LNX1: variants seen among roughly 807,000 people sequenced by gnomAD.
LNX1 encodes ligand of numb-protein X 1, also known as E3 ubiquitin-protein ligase LNX.
Under a neutral mutation model 68.4 loss-of-function variants are expected in LNX1, and 54 were observed. The observed-to-expected ratio is 0.79, with a 90% CI of 0.63 to 0.99. The LOEUF is 0.99. Ranked by LOEUF, LNX1 falls within the 50% of genes least tolerant of loss-of-function variation. LNX1 has a pLI of 0.00. For synonymous variants in LNX1, 336 were observed against 350.0 expected (o/e 0.96, Z 0.45); for missense variants, 906 against 926.4 (o/e 0.98, Z 0.29).
At chr4:53,621,873 C>T (rs535021570), upstream of LNX1, among the ~76,000 whole-genome samples, 1 of 152,134 alleles carries the variant, frequency 6.6e-6, no homozygotes, top group Admixed American at 6.5e-5. Context: ...TCATTTCACC[C>T]CCACCGGATT....
chr4:53,625,236 T>C lies in LNX1; in HGVS notation c.-215+26932A>G, dbSNP rs562564356. On this transcript the variant is annotated intron_variant, in intron 1 of 2. Transcript: ENST00000507168. ...AAAATAAATTGGTTTTCATCACAAT[T>C]AAATATTTTTGAGCCTCCAAGGACA... Among the ~76,000 whole-genome samples, 413 of 152,244 alleles carry C rather than the reference T, an allele frequency of 2.7e-3. 3 individuals carry two copies. The highest frequency in any genetic ancestry group is 9.5e-3 in the African/African-American group (394 of 41,550).
intron 9 of LNX1, among the ~76,000 whole-genome samples, chr4:53,475,398 A>C (rs1032886851): frequency 6.6e-6 from 1 of 152,244 alleles, no homozygotes; most frequent in Admixed American, 6.5e-5. Flanking sequence ...CTGTTTAAGG[A>C]CTTTTGAAAA....
rs1721786796 is a variant in LNX1 at position 53,460,535 on chromosome 4, A to G, written c.*372T>C. ...GCATTTTAAAAAATATTTTAGCTGT[A>G]AATTAAAAATGGCCATAATGTACCC... On this transcript the variant is annotated 3_prime_UTR_variant, in exon 11 of 11. Coordinates refer to ENST00000263925, the MANE Select transcript of LNX1 (RefSeq NM_001126328.3). 9.5e-6 allele frequency: 2 copies of G among 210,718 alleles called. No individual in the cohort carries two copies. The highest frequency in any genetic ancestry group is 3.6e-4 in the South Asian group (2 of 5,500). 13.1% of individuals were successfully genotyped at this position (210,718 alleles called of 1,614,324 possible).
intron 1 of LNX1, among the ~76,000 whole-genome samples, chr4:53,649,861 G>T (rs1735026834): frequency 6.6e-6 from 1 of 152,142 alleles, no homozygotes. Context: ...TGGTGACTAA[G>T]GTTTTAAATC....
chr4:53,644,302 G>A (rs184422947), intron 1 of LNX1, among the ~76,000 whole-genome samples: 1 of 152,246 alleles, frequency 6.6e-6, no homozygotes, highest in Non-Finnish European at 1.5e-5. Context: ...TTGGGAGGCT[G>A]AGGCACGAAA....
chr4:53,498,224 T>C (rs1725207708), intron 5 of LNX1, among the ~76,000 whole-genome samples: 1 of 152,202 alleles, frequency 6.6e-6, no homozygotes, highest in Non-Finnish European at 1.5e-5. Flanking sequence ...ATACAAAATG[T>C]TCTATTAATC....
intron 2 of LNX1, among the ~76,000 whole-genome samples, chr4:53,562,798 T>C (rs1315359846): frequency 6.6e-6 from 1 of 152,228 alleles, no homozygotes; most frequent in East Asian, 1.9e-4. Context: ...ACAAAAATGG[T>C]ACATATATGA....
intron 6 of LNX1, among the ~76,000 whole-genome samples, chr4:53,491,500 TG>T (rs1280315418): frequency 5.9e-5 from 9 of 152,326 alleles, no homozygotes; most frequent in African/African-American, 2.2e-4. Flanking sequence ...TAGTTCAGCA[TG>T]GTACCACACA....
At chr4:53,483,553 C>T (rs911645845) in intron 6 of LNX1, among the ~76,000 whole-genome samples, 1 of 152,162 alleles carries the variant, frequency 6.6e-6, no homozygotes, top group Non-Finnish European at 1.5e-5. Flanking sequence ...CTGAAGTAGC[C>T]AGCTGACCTC....
upstream of LNX1, among the ~76,000 whole-genome samples, chr4:53,620,044 T>G (rs937473142): frequency 6.6e-6 from 1 of 152,244 alleles, no homozygotes; most frequent in African/African-American, 2.4e-5. Flanking sequence ...GCCTGGTCTG[T>G]TTGTAACGAA....
At chr4:53,492,506 T>TGAGAGAGAGAGAGACAGAGAGA (rs1724752275) in intron 6 of LNX1, among the ~76,000 whole-genome samples, 2 of 88,942 alleles carry the variant, frequency 2.2e-5, no homozygotes, top group African/African-American at 8.0e-5. Flanking sequence ...CAGAGGGCTC[T>TGAGAGAGAGAGAGACAGAGAGA]GAGAGAGAGA....
At chr4:53,567,802 G>A (rs1258395216) in intron 2 of LNX1, among the ~76,000 whole-genome samples, 1 of 152,014 alleles carries the variant, frequency 6.6e-6, no homozygotes, top group Admixed American at 6.6e-5. Flanking sequence ...AATAAAAAAT[G>A]ATAAAGGGGA....
At chr4:53,557,913 AT>A in intron 2 of LNX1, 1 of 1,613,444 alleles carries the variant, frequency 6.2e-7, no homozygotes, top group Non-Finnish European at 8.5e-7. Flanking sequence ...CACATTGTCA[AT>A]GTAGTTAGCA....
intron 1 of LNX1, among the ~76,000 whole-genome samples, chr4:53,631,120 C>G (rs1546527): frequency 0.33 from 49,967 of 151,942 alleles, 8,591 homozygotes; most frequent in African/African-American, 0.43. Context: ...AGGAGGAAGT[C>G]GCCCATGGAG....
At chr4:53,478,323 A>G (rs1313090046) in intron 8 of LNX1, among the ~76,000 whole-genome samples, 4 of 152,078 alleles carry the variant, frequency 2.6e-5, no homozygotes, top group Non-Finnish European at 5.9e-5. Context: ...GCAGTTCTCT[A>G]TTAATTCCTG....
At chr4:53,506,676 G>A (rs1331578431) in intron 4 of LNX1, among the ~76,000 whole-genome samples, 2 of 151,860 alleles carry the variant, frequency 1.3e-5, no homozygotes, top group East Asian at 3.9e-4. Flanking sequence ...CCAACATGGA[G>A]AAACCCCGTC....
chr4:53,533,391 G>T (rs1728150039), intron 2 of LNX1, among the ~76,000 whole-genome samples: 1 of 152,182 alleles, frequency 6.6e-6, no homozygotes, highest in Admixed American at 6.5e-5. Flanking sequence ...AGAGACATCT[G>T]ACAATATCTG....
chr4:53,524,515 G>A (rs1727472369), intron 2 of LNX1, among the ~76,000 whole-genome samples: 1 of 152,152 alleles, frequency 6.6e-6, no homozygotes, highest in African/African-American at 2.4e-5. Flanking sequence ...CAGCAAGAAG[G>A]CCCAGATGAT....
intron 2 of LNX1, among the ~76,000 whole-genome samples, chr4:53,510,810 G>A (rs1245004029): frequency 1.3e-5 from 2 of 152,176 alleles, no homozygotes; most frequent in Non-Finnish European, 2.9e-5. Flanking sequence ...GAATAGTAAC[G>A]TTATTTTCCA....
Sources: allele counts gnomAD v4.1 joint callset (sites outside exome capture counted in the v4.1 genomes callset), GRCh38; gene constraint gnomAD v4.1.1; transcripts MANE v1.5; gene names NCBI Gene and HGNC (gene_info 2026-07-23, HGNC 2026-07-21).